The following FBXL13 variants were observed in gnomAD, a reference collection of about 807,000 sequenced individuals.
FBXL13 encodes the protein F-box and leucine-rich repeat protein 13.
A neutral mutation model predicts 83.6 loss-of-function variants in FBXL13; 67 were observed. That is an observed-to-expected ratio of 0.80 (90% CI 0.66 to 0.98). The LOEUF (loss-of-function observed/expected upper bound fraction) is 0.98, where lower values mean the gene tolerates loss of function less well. Ranked by LOEUF, FBXL13 falls within the 50% of genes least tolerant of loss-of-function variation. FBXL13 has a pLI of 0.00. For missense variants in FBXL13, 822 were observed against 866.5 expected, an observed-to-expected ratio of 0.95 and a Z score of 0.64; for synonymous variants, 272 against 299.5, an observed-to-expected ratio of 0.91 and a Z score of 0.95.
chr7:102,903,345 C>A (rs190971183), intron 11 of FBXL13, among the ~76,000 whole-genome samples: 46 of 152,106 alleles, frequency 3.0e-4, no homozygotes, highest in Admixed American at 2.8e-3. Context: ...AATATAAGAT[C>A]GTATCATCTG....
At chr7:102,969,368 T>C (rs1451093160) in intron 6 of FBXL13, among the ~76,000 whole-genome samples, 1 of 152,130 alleles carries the variant, frequency 6.6e-6, no homozygotes, top group Admixed American at 6.5e-5. Flanking sequence ...GATTATACCA[T>C]CTAGGTTTGT....
intron 16 of FBXL13, among the ~76,000 whole-genome samples, chr7:102,873,541 T>C (rs1401495074): frequency 2.0e-5 from 3 of 152,238 alleles, no homozygotes; most frequent in Non-Finnish European, 4.4e-5. Context: ...TACTTGATAA[T>C]TGGTCACTAT....
intron 11 of FBXL13, among the ~76,000 whole-genome samples, chr7:102,912,671 ACCC>A (rs3832498): frequency 4.1e-4 from 30 of 73,628 alleles, no homozygotes; most frequent in African/African-American, 1.1e-3. Flanking sequence ...ATAGCATTTT[ACCC>A]CCCCCCCCCC....
chr7:102,951,437 T>C (rs1823389485), intron 8 of FBXL13, among the ~76,000 whole-genome samples: 1 of 148,144 alleles, frequency 6.8e-6, no homozygotes, highest in South Asian at 2.1e-4. Flanking sequence ...AGAAAGCTCT[T>C]AAATCAATAA....
At chr7:103,024,854 TA>T (rs1355311503) in intron 6 of FBXL13, among the ~76,000 whole-genome samples, 4,283 of 87,830 alleles carry the variant, frequency 0.049, 81 homozygotes, top group East Asian at 0.11. Flanking sequence ...TATATATATA[TA>T]TATTTTTTTT....
In FBXL13 at chr7:102,883,622, C is replaced by T. The variant is rs548882216; in HGVS notation, c.1171G>A (p.Asp391Asn). ...GCAGAAAGAGCTCTGAAAGTACAAT[C>T]GGAGATATGCGGTGCACCAGTGAAA... Residue 391 changes from aspartate to asparagine, a missense_variant, in exon 13 of 20, where the codon GAT (aspartate) becomes AAT (asparagine). Physicochemically the swap from Asp to Asn is conservative, Grantham distance 23. Coordinates refer to ENST00000313221, the Ensembl canonical transcript of FBXL13. 19 of 1,612,194 alleles carry T rather than the reference C, an allele frequency of 1.2e-5. No homozygotes were observed. In the East Asian group the frequency reaches 2.2e-4, roughly 19 times the overall value.
At chr7:103,013,221 G>C (rs1212641752) in intron 6 of FBXL13, among the ~76,000 whole-genome samples, 1 of 152,158 alleles carries the variant, frequency 6.6e-6, no homozygotes, top group Non-Finnish European at 1.5e-5. Flanking sequence ...CTATTGAACA[G>C]ATCATCGAGG....
intron 6 of FBXL13, among the ~76,000 whole-genome samples, chr7:103,002,640 AT>A (rs1475293365): frequency 5.3e-5 from 8 of 152,182 alleles, no homozygotes; most frequent in Admixed American, 5.2e-4. Flanking sequence ...GGGAAAGACT[AT>A]CTCTCCTACA....
At chr7:102,878,369 C>T (rs1374124834) in exon 15 of FBXL13, 6 of 1,609,876 alleles carry the variant, frequency 3.7e-6, no homozygotes, top group Non-Finnish European at 5.1e-6. Flanking sequence ...CACTTAGCCG[C>T]ACACAGTTGC....
At chr7:102,992,595 C>G (rs751769116) in intron 6 of FBXL13, among the ~76,000 whole-genome samples, 12 of 152,166 alleles carry the variant, frequency 7.9e-5, no homozygotes, top group Non-Finnish European at 1.5e-4. Context: ...ATCAAAATCA[C>G]TTGTAAACTT....
intron 15 of FBXL13, 54 bp from the exon 17 acceptor site, chr7:102,877,647 C>G (rs867648481): frequency 1.3e-6 from 2 of 1,536,148 alleles, no homozygotes; most frequent in South Asian, 2.5e-5. Flanking sequence ...TGTCAGTAAG[C>G]AATTTCTTCA....
At chr7:102,900,971 ATACT>A (rs1812894214) in intron 11 of FBXL13, among the ~76,000 whole-genome samples, 1 of 152,242 alleles carries the variant, frequency 6.6e-6, no homozygotes, top group South Asian at 2.1e-4. Context: ...AGAAACTCAA[ATACT>A]TACTGAGGCC....
chr7:102,953,074 A>C lies in FBXL13; in HGVS notation c.724+10459T>G, dbSNP rs550436389. The stretch of plus-strand genomic sequence containing the variant: ...CATGGGCAAATTTTACCAAACATTT[A>C]ATCCTCAAACTTTAAACCAAACATT... On this transcript the variant is annotated intron_variant, in intron 8 of 19. Coordinates refer to ENST00000313221, the Ensembl canonical transcript of FBXL13. Among the ~76,000 whole-genome samples, 11 of 152,292 alleles carry C rather than the reference A, an allele frequency of 7.2e-5. No homozygotes were observed. In the South Asian group the frequency reaches 1.0e-3, roughly 14 times the overall value.
intron 2 of FBXL13, among the ~76,000 whole-genome samples, chr7:103,039,657 G>T (rs1025149226): frequency 1.3e-5 from 2 of 152,146 alleles, no homozygotes; most frequent in African/African-American, 2.4e-5. Flanking sequence ...CCAGAAGAGA[G>T]TGGGGGCCAA....
At chr7:102,976,017 C>T (rs752580623) in intron 6 of FBXL13, 13 of 766,324 alleles carry the variant, frequency 1.7e-5, no homozygotes, top group South Asian at 1.3e-4. Flanking sequence ...CCCAGGTAAA[C>T]CCACGAGGCC....
chr7:103,039,345 T>C (rs759568354), intron 2 of FBXL13, among the ~76,000 whole-genome samples: 25 of 152,200 alleles, frequency 1.6e-4, no homozygotes, highest in Non-Finnish European at 3.4e-4. Context: ...TAAATATACA[T>C]TTGATTGGTG....
At chr7:102,973,524 C>G (rs545644060) in intron 6 of FBXL13, 1 of 764,174 alleles carries the variant, frequency 1.3e-6, no homozygotes, top group Non-Finnish European at 2.4e-6. Flanking sequence ...TGCCTGCACC[C>G]AGGCGCTCAT....
At chr7:102,989,460 C>A (rs1720210106) in intron 6 of FBXL13, among the ~76,000 whole-genome samples, 1 of 152,174 alleles carries the variant, frequency 6.6e-6, no homozygotes, top group Non-Finnish European at 1.5e-5. Flanking sequence ...TTTAGAAACA[C>A]TCTGGGCCTC....
At chr7:103,071,605 C>T (rs1470036274) in intron 1 of FBXL13, among the ~76,000 whole-genome samples, 6 of 148,424 alleles carry the variant, frequency 4.0e-5, no homozygotes, top group Non-Finnish European at 5.9e-5. Flanking sequence ...ACTATGTTAC[C>T]GAGGCTGGTC....
Sources: allele counts gnomAD v4.1 joint callset (sites outside exome capture counted in the v4.1 genomes callset), GRCh38; gene constraint gnomAD v4.1.1; transcripts MANE v1.5; gene names NCBI Gene and HGNC (gene_info 2026-07-23, HGNC 2026-07-21).